Variants in COL1A1 observed in about 807,000 individuals in gnomAD.
COL1A1 encodes the protein collagen alpha-1(I) chain.
Under a neutral mutation model 195.7 loss-of-function variants are expected in COL1A1, and 21 were observed. The ratio of observed to expected loss-of-function variants is 0.11; its 90% CI spans 0.08 to 0.15. The LOEUF (loss-of-function observed/expected upper bound fraction) is 0.15. Ranked by LOEUF, COL1A1 falls within the 10% of genes least tolerant of loss-of-function variation. The probability of loss-of-function intolerance (pLI) is 1.00; values close to 1 mark genes in which losing one functional copy is unlikely to be tolerated. For synonymous variants in COL1A1, 749 were observed against 747.3 expected, an observed-to-expected ratio of 1.00 and a Z score of -0.04; for missense variants, 1,365 against 2,051.0, an observed-to-expected ratio of 0.67 and a Z score of 6.46.
rs1011942804 is a variant in COL1A1, at chr17:50,198,260, G to A, written c.544-55C>T. 3 of 1,599,636 alleles carry A rather than the reference G, an allele frequency of 1.9e-6. No individual in the cohort carries two copies. In the African/African-American group the frequency reaches 4.0e-5, roughly 21 times the overall value. On this transcript the variant is annotated intron_variant, in intron 6 of 50. Transcript: ENST00000225964. ...GTGATCCCTCTGTAGGAAAGCATGT[G>A]GATGTAGTCATTCATGCCTGTTGGG...
rs765353412 is a variant in COL1A1 at position 50,186,767 on chromosome 17, G to A, written c.3687C>T (p.Leu1229=). The change falls in exon 48 of 51, where the codon CTC becomes CTT. Residue 1229 remains leucine, a synonymous_variant. Coordinates refer to ENST00000225964, the MANE Select transcript of COL1A1 (RefSeq NM_000088.4). The surrounding 1 kb of genome is among the most constrained non-coding windows in gnomAD (Gnocchi z 5.3). ...GGCTCTTGAGGGTGGTGTCCACCTCGAGGTCACGGTCACGAACCACATTGG... is the reference window on the plus strand; with the variant it reads ...GGCTCTTGAGGGTGGTGTCCACCTCAAGGTCACGGTCACGAACCACATTGG... ...DDANVVRDRD[L]EVDTTLKSLS... is the part of the protein sequence containing the mutation. 15 of 1,613,910 alleles carry A rather than the reference G, an allele frequency of 9.3e-6. No homozygotes were observed. Among genetic ancestry groups the A allele is most frequent in the Admixed American group, 3.3e-5 (2 of 60,002 alleles).
chr17:50,188,678 A>G lies in COL1A1; in HGVS notation c.3100-41T>C. The G allele has an allele frequency of 1.2e-6, 2 of 1,613,118 alleles. No homozygotes were observed. Among genetic ancestry groups the G allele is most frequent in the Non-Finnish European group, 1.7e-6 (2 of 1,179,230 alleles). On this transcript the variant is annotated intron_variant, in intron 42 of 50. Transcript: ENST00000225964. The surrounding 1 kb of genome is among the most constrained non-coding windows in gnomAD (Gnocchi z 5.6). ...GGGGAATATGGGTCAGCCCCGGGTG[A>G]AGGGCCAGGATGGGGCAGGGAAGCA...
At chr17:50,197,329 G>T in intron 9 of COL1A1, 96 bp from the exon 10 acceptor site, 1 of 1,313,678 alleles carries the variant, frequency 7.6e-7, no homozygotes, top group Non-Finnish European at 1.1e-6. Flanking sequence ...TTGGATTGTT[G>T]CAGGTCAGGT....
At position 50,199,597 on chromosome 17, in the gene COL1A1, G is replaced by A. The variant is rs752528897; in HGVS notation, c.299-7C>T. ...TCTTGGTCGGTGGGTGACTCTAGGG[G>A]ACGAAGAGACGCGCGTTAGAGCCAA... On this transcript the variant is annotated splice_polypyrimidine_tract_variant and splice_region_variant and intron_variant, in intron 2 of 50. Transcript: ENST00000225964. 6.2e-7 allele frequency: 1 copy of A among 1,614,110 alleles called. No individual in the cohort carries two copies. Among genetic ancestry groups the A allele is most frequent in the Non-Finnish European group, 8.5e-7 (1 of 1,179,982 alleles).
At chr17:50,201,263 C>A in intron 1 of COL1A1, 148 bp downstream of exon 1, 1 of 783,172 alleles carries the variant, frequency 1.3e-6, no homozygotes, top group Non-Finnish European at 2.1e-6. Flanking sequence ...TCCCTCCTGT[C>A]TCAGGGCGCC....
chr17:50,187,577 C>G (rs779973284), intron 45 of COL1A1, 40 bp from the exon 46 acceptor site: 1 of 1,607,946 alleles, frequency 6.2e-7, no homozygotes. Flanking sequence ...GCCCAGTGAG[C>G]GTCAAATGTA....
Position 50,196,295 on chromosome 17 carries a change from A to T in COL1A1, c.957+19T>A. On this transcript the variant is annotated intron_variant, in intron 14 of 50. Coordinates refer to ENST00000225964, the MANE Select transcript of COL1A1 (RefSeq NM_000088.4). ...CCTTCCAGAGCTCAGGGATCCCCCA[A>T]GGGGCCAGGAGTACTTACAGCAGGG... The T allele has an allele frequency of 6.2e-7, 1 of 1,607,466 alleles. No homozygotes were observed. Among genetic ancestry groups the T allele is most frequent in the Non-Finnish European group, 8.5e-7 (1 of 1,176,740 alleles).
At chr17:50,192,085 G>T (rs188733739) in intron 29 of COL1A1, 61 bp from the exon 30 acceptor site, 30 of 1,558,072 alleles carry the variant, frequency 1.9e-5, no homozygotes, top group Middle Eastern at 3.4e-4. Context: ...CACTCTGCTG[G>T]AAAGCACGGT....
rs1598283251 is a variant in COL1A1 at position 50,185,368 on chromosome 17, A to G, written c.*134T>C. The G allele has an allele frequency of 9.6e-6, 10 of 1,041,196 alleles. No homozygotes were observed. Among genetic ancestry groups the G allele is most frequent in the Non-Finnish European group, 1.4e-5 (10 of 689,772 alleles). The allele number at this position is 1,041,196 out of a possible 1,614,324, so 64.5% of individuals were successfully genotyped here. A position where few individuals can be genotyped will look rare whatever the true frequency, so the allele number is the denominator to read the frequency against. On this transcript the variant is annotated 3_prime_UTR_variant, in exon 51 of 51. Transcript: ENST00000225964. ...AGAGATGAATGCAAAGGAAAAAAATATTTTCCAAAGTCCATGTGAAATTGT... is the reference window on the plus strand; with the variant it reads ...AGAGATGAATGCAAAGGAAAAAAATGTTTTCCAAAGTCCATGTGAAATTGT...
rs11657761 is a variant in COL1A1 at position 50,197,279 on chromosome 17, C to T, written c.697-46G>A. ...CATCATGCCTCTGCCTCCCCACCACCGCCTAGGGGCTGGAAAAGTGGAGAA... is the reference window on the plus strand; with the variant it reads ...CATCATGCCTCTGCCTCCCCACCACTGCCTAGGGGCTGGAAAAGTGGAGAA... On this transcript the variant is annotated intron_variant, in intron 9 of 50. Coordinates refer to ENST00000225964, the MANE Select transcript of COL1A1 (RefSeq NM_000088.4). The T allele has an allele frequency of 5.6e-3, 8,900 of 1,595,164 alleles. 64 individuals carry two copies. Among genetic ancestry groups the T allele is most frequent in the South Asian group, 0.018 (1,639 of 90,670 alleles).
chr17:50,192,884 A>C, intron 26 of COL1A1, 34 bp from the exon 27 acceptor site: 1 of 1,613,586 alleles, frequency 6.2e-7, no homozygotes, highest in Non-Finnish European at 8.5e-7. Context: ...ACTCAGGGTT[A>C]GGAGGCCCCG....
Position 50,198,167 on chromosome 17 carries a change from A to G in COL1A1, c.582T>C (p.Gly194=). The change falls in exon 7 of 51, where the codon GGT becomes GGC. Residue 194 remains glycine, a synonymous_variant. Transcript: ENST00000225964. ...AGACGTCCTGGATACTCACAGGTGC[A>G]CCAGGGGGGCCAGGGAGACCACGAG... ...SGPRGLPGPP[G]APGPQGFQGP... is the part of the protein sequence containing the mutation. 6.2e-7 allele frequency: 1 copy of G among 1,614,108 alleles called. No individual in the cohort carries two copies. Among genetic ancestry groups the G allele is most frequent in the Non-Finnish European group, 8.5e-7 (1 of 1,179,996 alleles).
chr17:50,191,036 C>A, intron 32 of COL1A1, 112 bp from the exon 33 acceptor site: 2 of 1,003,516 alleles, frequency 2.0e-6, no homozygotes, highest in South Asian at 2.7e-5. Context: ...GCCCTGCCTC[C>A]ACCTGGGCCA....
rs41317351 is a variant in COL1A1 at position 50,199,235 on chromosome 17, G to T, written c.462C>A (p.Gly154=). 10 of 1,465,592 alleles carry T rather than the reference G, an allele frequency of 6.8e-6. No homozygotes were observed. Among genetic ancestry groups the T allele is most frequent in the Middle Eastern group, 2.4e-4 (1 of 4,172 alleles). The allele number at this position is 1,465,592 out of a possible 1,614,324, so 90.8% of individuals were successfully genotyped here. Reference sequence around the variant, plus strand: ...AGGCCTCTCCACTTACTCCTCCGAGGCCAGGGGGTCCGGGAGGTCCGGGGG... The same window carrying T: ...AGGCCTCTCCACTTACTCCTCCGAGTCCAGGGGGTCCGGGAGGTCCGGGGG... ...PGPPGPPGPP[G]LGGNFAPQLS... The change falls in exon 5 of 51, where the codon GGC becomes GGA. Residue 154 remains glycine (G), a synonymous_variant. Transcript: ENST00000225964.
rs1279647247 is a variant in COL1A1, at chr17:50,190,602, A to G, written c.2344-6T>C. The stretch of plus-strand genomic sequence containing the variant: ...CCGCTGGGACCACTTTCACCCTGAG[A>G]GCAAGGGACAAGAGGCTCAGGGTCA... On this transcript the variant is annotated splice_region_variant and splice_polypyrimidine_tract_variant and intron_variant, in intron 33 of 50. Coordinates refer to ENST00000225964, the MANE Select transcript of COL1A1 (RefSeq NM_000088.4). This position sits in a 1 kb window ranked among gnomAD's most constrained non-coding sequence, Gnocchi z 4.7. The G allele has an allele frequency of 6.2e-7, 1 of 1,613,010 alleles. No homozygotes were observed.
intron 1 of COL1A1, 98 bp from the exon 2 acceptor site, chr17:50,200,045 T>C (rs1337177317): frequency 8.2e-7 from 1 of 1,221,486 alleles, no homozygotes; most frequent in African/African-American, 1.5e-5. Flanking sequence ...GATTTTTCAC[T>C]TCCCGCCCCT....
chr17:50,201,295 C>G (rs1908073192), intron 1 of COL1A1, 116 bp downstream of exon 1: 1 of 961,300 alleles, frequency 1.0e-6, no homozygotes, highest in Non-Finnish European at 1.6e-6. Context: ...CTCATCATCT[C>G]CCTTCCATTC....
chr17:50,192,208 C>G lies in COL1A1; in HGVS notation c.1984-184G>C, dbSNP rs892434918. On this transcript the variant is annotated intron_variant, in intron 29 of 50. Coordinates refer to ENST00000225964, the MANE Select transcript of COL1A1 (RefSeq NM_000088.4). The stretch of plus-strand genomic sequence containing the variant: ...CTAGGGATGTGTCAAAGGCTTCCCC[C>G]CTCCCCAAACTATGGACCAAGATTT... 25 of 743,306 alleles carry G rather than the reference C, an allele frequency of 3.4e-5. No homozygotes were observed. The African/African-American group carries it at 3.7e-4, about 11-fold the overall frequency. 46.0% of individuals were successfully genotyped at this position (743,306 alleles called of 1,614,324 possible). A position where few individuals can be genotyped will look rare whatever the true frequency, so the allele number is the denominator to read the frequency against.
rs749366062 is a variant in COL1A1 at position 50,199,521 on chromosome 17, C to T, written c.333+35G>A. 3 of 1,614,072 alleles carry T rather than the reference C, an allele frequency of 1.9e-6. No individual in the cohort carries two copies. In the Admixed American group the frequency reaches 5.0e-5, roughly 27 times the overall value. ...AGGGAGGACTGTGAGGAGTCACGGG[C>T]CGCGCAGGGGCAAAATTCGAGGGCA... is the stretch of plus-strand genomic sequence containing the variant. On this transcript the variant is annotated intron_variant, in intron 3 of 50. Coordinates refer to ENST00000225964, the MANE Select transcript of COL1A1 (RefSeq NM_000088.4).
Sources: gnomAD v4.1 joint callset for allele counts on GRCh38, gnomAD v4.1.1 for gene constraint, Gnocchi (gnomAD v3.1) non-coding constraint, MANE v1.5 for transcripts, NCBI Gene and HGNC (gene_info 2026-07-23, HGNC 2026-07-21) for gene names.